SYN2: variants seen among roughly 807,000 people sequenced by gnomAD.
The protein encoded by SYN2 is synapsin II, also known as synapsin-2.
A neutral mutation model predicts 50.9 loss-of-function variants in SYN2; 19 were observed. That is an observed-to-expected ratio of 0.37 (90% CI 0.26 to 0.55). The LOEUF (loss-of-function observed/expected upper bound fraction) is 0.55, where lower values mean the gene tolerates loss of function less well. Among genes scored for constraint, SYN2 ranks in the 20% least tolerant of loss-of-function variants. The pLI, the probability that SYN2 is intolerant of heterozygous loss-of-function variation, is 0.81. For missense variants in SYN2, 587 were observed against 576.4 expected, an observed-to-expected ratio of 1.02 and a Z score of -0.19; for synonymous variants, 255 against 224.9, an observed-to-expected ratio of 1.13 and a Z score of -1.20.
At chr3:12,065,909 C>G (rs1462595582) in intron 1 of SYN2, among the ~76,000 whole-genome samples, 1 of 152,058 alleles carries the variant, frequency 6.6e-6, no homozygotes, top group Non-Finnish European at 1.5e-5. Flanking sequence ...TTGTATGATT[C>G]CATTTATATG....
At chr3:12,103,655 G>A (rs1696121164) in intron 1 of SYN2, among the ~76,000 whole-genome samples, 1 of 152,128 alleles carries the variant, frequency 6.6e-6, no homozygotes, top group African/African-American at 2.4e-5. Flanking sequence ...AATTGTTTGG[G>A]ATGGGAATTG....
intron 1 of SYN2, among the ~76,000 whole-genome samples, chr3:12,136,195 G>A (rs1030762746): frequency 3.3e-5 from 5 of 152,144 alleles, no homozygotes; most frequent in African/African-American, 1.2e-4. Flanking sequence ...TAGCATAAAT[G>A]TTTGCTGCTT....
intron 1 of SYN2, among the ~76,000 whole-genome samples, chr3:12,121,647 A>G (rs1051185908): frequency 1.4e-4 from 20 of 142,342 alleles, no homozygotes; most frequent in African/African-American, 4.8e-4. Context: ...AGGGAAGGTA[A>G]GGGGAAGGGA....
chr3:12,159,645 T>G (rs2125234179), intron 5 of SYN2, among the ~76,000 whole-genome samples: 1 of 152,288 alleles, frequency 6.6e-6, no homozygotes, highest in East Asian at 1.9e-4. Context: ...GGGCAAACCT[T>G]GGACCTCAAA....
intron 5 of SYN2, chr3:12,158,920 T>A: frequency 3.5e-6 from 5 of 1,432,678 alleles, no homozygotes. Flanking sequence ...AAGGCCGTTG[T>A]GCCCCTCGCC....
intron 1 of SYN2, among the ~76,000 whole-genome samples, chr3:12,022,713 T>C (rs113235372): frequency 2.0e-3 from 305 of 151,418 alleles, no homozygotes; most frequent in Non-Finnish European, 3.8e-3. Context: ...TGGCCTATTC[T>C]TTAAATTTTT....
At chr3:12,072,475 C>G (rs1005247437) in intron 1 of SYN2, among the ~76,000 whole-genome samples, 1 of 152,186 alleles carries the variant, frequency 6.6e-6, no homozygotes, top group Non-Finnish European at 1.5e-5. Context: ...TTAAGCCCTT[C>G]ATCCATTCTG....
intron 1 of SYN2, among the ~76,000 whole-genome samples, chr3:12,026,941 T>C (rs1042845427): frequency 1.3e-5 from 2 of 152,212 alleles, no homozygotes; most frequent in African/African-American, 4.8e-5. Context: ...GTTAGAGCCT[T>C]GGTGACTTGG....
At chr3:12,150,319 G>A (rs1286202764) in intron 4 of SYN2, among the ~76,000 whole-genome samples, 2 of 152,204 alleles carry the variant, frequency 1.3e-5, no homozygotes, top group African/African-American at 2.4e-5. Context: ...GAGCAGGAAA[G>A]TCCTGTATTT....
At chr3:12,007,092 T>C (rs547870268) in intron 1 of SYN2, among the ~76,000 whole-genome samples, 8 of 152,236 alleles carry the variant, frequency 5.3e-5, no homozygotes, top group Non-Finnish European at 1.0e-4. Context: ...GATTTCTGTT[T>C]AGTTATAAAT....
intron 10 of SYN2, among the ~76,000 whole-genome samples, chr3:12,172,134 G>T (rs1697950645): frequency 6.6e-6 from 1 of 152,174 alleles, no homozygotes; most frequent in East Asian, 1.9e-4. Context: ...TGGGAGTCAG[G>T]ACACACAAGG....
At chr3:12,015,646 A>G (rs892240982) in intron 1 of SYN2, among the ~76,000 whole-genome samples, 16 of 152,196 alleles carry the variant, frequency 1.1e-4, no homozygotes, top group South Asian at 4.1e-4. Flanking sequence ...TCCGTTACAT[A>G]AGGCTGATTA....
At chr3:12,158,989 T>G (rs1697556341) in intron 5 of SYN2, 2 of 1,230,544 alleles carry the variant, frequency 1.6e-6, no homozygotes, top group Non-Finnish European at 2.2e-6. Flanking sequence ...CCGCCTTCCT[T>G]TGGCTCTAGG....
intron 10 of SYN2, among the ~76,000 whole-genome samples, chr3:12,182,299 C>CA (rs1698238804): frequency 6.6e-6 from 1 of 152,182 alleles, no homozygotes; most frequent in South Asian, 2.1e-4. Flanking sequence ...TCACTGAGGA[C>CA]ATGCTTGTTT....
intron 1 of SYN2, among the ~76,000 whole-genome samples, chr3:12,082,513 A>G (rs777691758): frequency 2.0e-5 from 3 of 152,230 alleles, no homozygotes; most frequent in Non-Finnish European, 2.9e-5. Context: ...AAAGCTTGCT[A>G]TATTAACTCT....
At chr3:12,071,759 C>A in intron 1 of SYN2, 1 of 158,780 alleles carries the variant, frequency 6.3e-6, no homozygotes, top group Non-Finnish European at 1.4e-5. Context: ...TGGAATTTCT[C>A]TAGAGGCTGG....
intron 1 of SYN2, among the ~76,000 whole-genome samples, chr3:12,042,991 TC>T: frequency 6.6e-6 from 1 of 150,806 alleles, no homozygotes; most frequent in South Asian, 2.1e-4. Flanking sequence ...TGAGAATAAA[TC>T]CCCCCACACC....
intron 1 of SYN2, among the ~76,000 whole-genome samples, chr3:12,013,018 C>T (rs534160494): frequency 2.6e-5 from 4 of 152,316 alleles, no homozygotes; most frequent in Non-Finnish European, 4.4e-5. Flanking sequence ...GCTAGGGAAC[C>T]TAATTGCTAA....
chr3:12,167,692 T>C (rs1156800735), intron 8 of SYN2, among the ~76,000 whole-genome samples: 9 of 152,122 alleles, frequency 5.9e-5, no homozygotes, highest in East Asian at 1.9e-4. Context: ...GCTATAAAGA[T>C]AGTTGAAAAT....
Sources: gnomAD v4.1 joint callset for allele counts (sites outside exome capture counted in the v4.1 genomes callset) on GRCh38, gnomAD v4.1.1 for gene constraint, MANE v1.5 for transcripts, NCBI Gene and HGNC (gene_info 2026-07-23, HGNC 2026-07-21) for gene names.